The following BBX variants were observed in gnomAD, a reference collection of about 807,000 sequenced individuals.
BBX encodes HMG box transcription factor BBX.
In BBX, 30 loss-of-function variants were observed where a neutral mutation model predicts 100.2. That is an observed-to-expected ratio of 0.30 (90% CI 0.22 to 0.41). The LOEUF is 0.41. Among genes scored for constraint, BBX ranks in the 10% least tolerant of loss-of-function variants. The pLI is 1.00. For missense variants in BBX, 1,023 were observed against 1,129.8 expected (o/e 0.91, Z 1.35); for synonymous variants, 376 against 388.1 (o/e 0.97, Z 0.37).
chr3:107,575,420 A>G lies in BBX; in HGVS notation c.-84+49022A>G, dbSNP rs950542501. Among the ~76,000 whole-genome samples the G allele has an allele frequency of 1.6e-4, 25 of 152,110 alleles. 1 individual carries two copies. The highest frequency in any genetic ancestry group is 1.2e-4 in the African/African-American group (5 of 41,414). On this transcript the variant is annotated intron_variant, in intron 2 of 17. Transcript: ENST00000325805. ...GTTTGCTTGATTATATCACTTTTCT[A>G]GTTAATAAGATGTTTTTGGACTATA...
At chr3:107,626,567 A>T (rs2056189655) in intron 2 of BBX, among the ~76,000 whole-genome samples, 1 of 152,110 alleles carries the variant, frequency 6.6e-6, no homozygotes, top group African/African-American at 2.4e-5. Flanking sequence ...GATCACTTCA[A>T]GGTGGTTCAC....
intron 3 of BBX, among the ~76,000 whole-genome samples, chr3:107,665,261 C>G (rs1238050765): frequency 1.3e-5 from 2 of 152,158 alleles, no homozygotes; most frequent in African/African-American, 2.4e-5. Context: ...CCTAAAAGCA[C>G]TAGGCCGAAA....
At chr3:107,534,499 C>T (rs2048361960) in intron 2 of BBX, among the ~76,000 whole-genome samples, 4 of 152,106 alleles carry the variant, frequency 2.6e-5, no homozygotes, top group African/African-American at 9.7e-5. Flanking sequence ...TCCTCTCTCT[C>T]ATCTCTTTTT....
intron 17 of BBX, among the ~76,000 whole-genome samples, chr3:107,803,856 G>A (rs560484459): frequency 6.6e-6 from 1 of 152,092 alleles, no homozygotes; most frequent in South Asian, 2.1e-4. Context: ...CTGTGATTCT[G>A]ACTTCTTTCC....
chr3:107,786,112 A>G (rs900282821), intron 13 of BBX, among the ~76,000 whole-genome samples: 2 of 152,096 alleles, frequency 1.3e-5, no homozygotes, highest in African/African-American at 4.8e-5. Flanking sequence ...ACTTAGAAAT[A>G]AGTTTAACAA....
At chr3:107,664,721 G>C (rs778558719) in intron 3 of BBX, among the ~76,000 whole-genome samples, 1 of 152,186 alleles carries the variant, frequency 6.6e-6, no homozygotes, top group Non-Finnish European at 1.5e-5. Context: ...AAAACTGTCA[G>C]CTGTTTCTGA....
At chr3:107,588,442 C>T (rs952260270) in intron 2 of BBX, among the ~76,000 whole-genome samples, 5 of 152,112 alleles carry the variant, frequency 3.3e-5, no homozygotes, top group African/African-American at 4.8e-5. Context: ...GGAGACAAGC[C>T]AGGAGCTAAC....
At chr3:107,774,927 C>A in intron 12 of BBX, 70 bp downstream of exon 12, 2 of 1,548,390 alleles carry the variant, frequency 1.3e-6, no homozygotes, top group Admixed American at 1.9e-5. Context: ...TCAAGGTAAA[C>A]AGATCACTAA....
intron 10 of BBX, among the ~76,000 whole-genome samples, chr3:107,760,645 T>A (rs1430095129): frequency 6.6e-6 from 1 of 152,094 alleles, no homozygotes; most frequent in Non-Finnish European, 1.5e-5. Context: ...CACACAAAAA[T>A]GAATGTGTGA....
At chr3:107,767,976 G>A (rs940515716) in intron 10 of BBX, among the ~76,000 whole-genome samples, 3 of 152,328 alleles carry the variant, frequency 2.0e-5, no homozygotes, top group East Asian at 1.9e-4. Flanking sequence ...CCATGTTCCA[G>A]TGCTCTCCAG....
chr3:107,628,448 C>T (rs1343499674), intron 2 of BBX, among the ~76,000 whole-genome samples: 2 of 151,644 alleles, frequency 1.3e-5, no homozygotes, highest in Non-Finnish European at 2.9e-5. Flanking sequence ...TGTCAAAATA[C>T]AAAACTAATC....
At chr3:107,529,061 A>T (rs959801710) in intron 2 of BBX, among the ~76,000 whole-genome samples, 1 of 152,212 alleles carries the variant, frequency 6.6e-6, no homozygotes, top group Non-Finnish European at 1.5e-5. Flanking sequence ...TCCATTACAG[A>T]TGTGCCTTTT....
intron 2 of BBX, among the ~76,000 whole-genome samples, chr3:107,628,720 G>GT (rs2056363577): frequency 6.6e-6 from 1 of 151,968 alleles, no homozygotes; most frequent in South Asian, 2.1e-4. Context: ...GATTTTTAGG[G>GT]TTTTTTAATA....
At chr3:107,723,125 G>T (rs946656026) in intron 5 of BBX, among the ~76,000 whole-genome samples, 2 of 151,844 alleles carry the variant, frequency 1.3e-5, no homozygotes, top group African/African-American at 4.8e-5. Flanking sequence ...CACCAGAGTC[G>T]TCTATCTTTA....
chr3:107,701,412 G>A (rs1436948295), intron 3 of BBX, among the ~76,000 whole-genome samples: 6 of 152,096 alleles, frequency 3.9e-5, no homozygotes, highest in Admixed American at 1.3e-4. Flanking sequence ...AGGATCTTTC[G>A]CCTAGAGTTG....
intron 6 of BBX, among the ~76,000 whole-genome samples, chr3:107,729,434 TAGAG>T (rs1290656870): frequency 6.6e-6 from 1 of 152,164 alleles, no homozygotes; most frequent in Non-Finnish European, 1.5e-5. Context: ...AGCTGTGTCT[TAGAG>T]AGAATTCCCA....
At chr3:107,556,842 A>G (rs1050357670) in intron 2 of BBX, among the ~76,000 whole-genome samples, 18 of 152,258 alleles carry the variant, frequency 1.2e-4, no homozygotes, top group African/African-American at 4.3e-4. Flanking sequence ...TTTTTCTACT[A>G]AAGTACCTGA....
intron 2 of BBX, among the ~76,000 whole-genome samples, chr3:107,551,495 G>C (rs2049677262): frequency 6.6e-6 from 1 of 152,246 alleles, no homozygotes; most frequent in Admixed American, 6.5e-5. Flanking sequence ...AACCGTATCA[G>C]CTTTTGCTTT....
intron 2 of BBX, among the ~76,000 whole-genome samples, chr3:107,585,673 T>C (rs2052777906): frequency 6.6e-6 from 1 of 152,212 alleles, no homozygotes; most frequent in South Asian, 2.1e-4. Flanking sequence ...TATCAAAATT[T>C]ATAATTTCTA....
Sources: allele counts gnomAD v4.1 joint callset (sites outside exome capture counted in the v4.1 genomes callset), GRCh38; gene constraint gnomAD v4.1.1; transcripts MANE v1.5; gene names NCBI Gene and HGNC (gene_info 2026-07-23, HGNC 2026-07-21).